TMEM132B: variants seen among roughly 807,000 people sequenced by gnomAD.
The protein encoded by TMEM132B is transmembrane protein 132B.
Under a neutral mutation model 90.8 loss-of-function variants are expected in TMEM132B, and 18 were observed. The observed-to-expected ratio is 0.20, with a 90% CI of 0.14 to 0.29. TMEM132B has a LOEUF of 0.29. Among genes scored for constraint, TMEM132B ranks in the 10% least tolerant of loss-of-function variants. The pLI is 1.00. For synonymous variants in TMEM132B, 504 were observed against 523.3 expected, an observed-to-expected ratio of 0.96 and a Z score of 0.50; for missense variants, 1,096 against 1,326.8, an observed-to-expected ratio of 0.83 and a Z score of 2.70.
At chr12:125,605,741 T>G (rs1306011598) in intron 5 of TMEM132B, among the ~76,000 whole-genome samples, 1 of 152,196 alleles carries the variant, frequency 6.6e-6, no homozygotes, top group Non-Finnish European at 1.5e-5. Flanking sequence ...GGTTCTGATC[T>G]CCACATTACA....
chr12:125,384,733 C>A (rs1481845327), intron 2 of TMEM132B, among the ~76,000 whole-genome samples: 1 of 152,160 alleles, frequency 6.6e-6, no homozygotes, highest in African/African-American at 2.4e-5. Flanking sequence ...TCACTGCAAC[C>A]TCTGCCTCCG....
At chr12:125,245,322 C>T (rs1874181719) in intron 1 of TMEM132B, among the ~76,000 whole-genome samples, 1 of 149,594 alleles carries the variant, frequency 6.7e-6, no homozygotes, top group African/African-American at 2.5e-5. Flanking sequence ...TACTCTGGCC[C>T]CCACCATGCC....
intron 4 of TMEM132B, among the ~76,000 whole-genome samples, chr12:125,556,408 G>A (rs1161859227): frequency 6.6e-6 from 1 of 152,190 alleles, no homozygotes; most frequent in Non-Finnish European, 1.5e-5. Context: ...TAGTTCATGG[G>A]AAGAGCTAAG....
At chr12:125,348,413 G>A (rs372635478) in intron 1 of TMEM132B, among the ~76,000 whole-genome samples, 11 of 152,072 alleles carry the variant, frequency 7.2e-5, no homozygotes, top group South Asian at 2.1e-4. Flanking sequence ...TGCAATCTCC[G>A]CCTCTTGGGT....
At chr12:125,420,212 C>T (rs1880131376) in intron 3 of TMEM132B, among the ~76,000 whole-genome samples, 1 of 152,240 alleles carries the variant, frequency 6.6e-6, no homozygotes, top group African/African-American at 2.4e-5. Flanking sequence ...TGTGTGGGGG[C>T]TTCCATCCCA....
chr12:125,540,107 T>C (rs994235630), intron 4 of TMEM132B, among the ~76,000 whole-genome samples: 11 of 152,366 alleles, frequency 7.2e-5, no homozygotes, highest in African/African-American at 2.2e-4. Flanking sequence ...GATTTTCCAA[T>C]GTTTGGGGGC....
chr12:125,488,144 A>T (rs1302388898), intron 3 of TMEM132B, among the ~76,000 whole-genome samples: 5 of 152,250 alleles, frequency 3.3e-5, no homozygotes, highest in Non-Finnish European at 7.3e-5. Context: ...TTTGATAGAC[A>T]GTATCTTCTA....
chr12:125,285,515 C>T (rs1263498370), intron 1 of TMEM132B, among the ~76,000 whole-genome samples: 1 of 152,228 alleles, frequency 6.6e-6, no homozygotes, highest in Non-Finnish European at 1.5e-5. Context: ...CAGCGCTGGA[C>T]TGAGCCAGTG....
rs560662264 is a variant in TMEM132B at position 125,209,310 on chromosome 12, C to T, written c.67+22444C>T. 1.3e-5 allele frequency among the ~76,000 whole-genome samples: 2 copies of T among 152,322 alleles called. No homozygotes were observed. Among genetic ancestry groups the T allele is most frequent in the Non-Finnish European group, 2.9e-5 (2 of 68,028 alleles). On this transcript the variant is annotated intron_variant, in intron 1 of 8. Transcript: ENST00000682704. This position sits in a 1 kb window ranked among gnomAD's most constrained non-coding sequence, Gnocchi z 4.4. ...CACATCTCTAAGTGGGGCAGAGGCTCGCGGATGGACCGCCCCAGGGGATGG... is the reference window on the plus strand; with the variant it reads ...CACATCTCTAAGTGGGGCAGAGGCTTGCGGATGGACCGCCCCAGGGGATGG...
chr12:125,376,782 C>T (rs1487249029), intron 2 of TMEM132B, among the ~76,000 whole-genome samples: 2 of 152,184 alleles, frequency 1.3e-5, no homozygotes, highest in African/African-American at 4.8e-5. Flanking sequence ...AGGCAGGGAC[C>T]CTAGGATTCC....
intron 5 of TMEM132B, among the ~76,000 whole-genome samples, chr12:125,597,946 A>G (rs1885480954): frequency 6.6e-6 from 1 of 152,196 alleles, no homozygotes; most frequent in African/African-American, 2.4e-5. Context: ...CATAAATGTG[A>G]TCTTTAGAGT....
chr12:125,627,614 A>T lies in TMEM132B; in HGVS notation c.1438-16462A>T, dbSNP rs183374290. On this transcript the variant is annotated intron_variant, in intron 5 of 8. Transcript: ENST00000682704. Reference sequence around the variant, plus strand: ...CAGGCATGTGATGTGTAATAATCACATCATGGAGAATGGGATGCCCATCCC... The same window carrying T: ...CAGGCATGTGATGTGTAATAATCACTTCATGGAGAATGGGATGCCCATCCC... Among the ~76,000 whole-genome samples the T allele has an allele frequency of 7.2e-5, 11 of 152,268 alleles. No homozygotes were observed. The East Asian group carries it at 2.1e-3, about 29-fold the overall frequency.
intron 3 of TMEM132B, among the ~76,000 whole-genome samples, chr12:125,443,320 C>G (rs775387239): frequency 1.3e-5 from 2 of 152,190 alleles, no homozygotes; most frequent in Non-Finnish European, 2.9e-5. Flanking sequence ...TTGTAATTTT[C>G]AGGTCCTTAA....
intron 3 of TMEM132B, among the ~76,000 whole-genome samples, chr12:125,480,860 A>G (rs1882019062): frequency 6.6e-6 from 1 of 152,392 alleles, no homozygotes; most frequent in South Asian, 2.1e-4. Context: ...AATATCCTCA[A>G]TAAAATACTG....
chr12:125,280,608 G>T (rs1875134236), intron 1 of TMEM132B, among the ~76,000 whole-genome samples: 1 of 152,216 alleles, frequency 6.6e-6, no homozygotes, highest in African/African-American at 2.4e-5. Flanking sequence ...CTTGCTGTGG[G>T]ATGTCAGGGC....
chr12:125,336,814 A>G (rs923414314), intron 1 of TMEM132B, among the ~76,000 whole-genome samples: 18 of 152,310 alleles, frequency 1.2e-4, no homozygotes, highest in African/African-American at 3.8e-4. Flanking sequence ...GCTCCAGCCC[A>G]GGTGTCTGTC....
intron 3 of TMEM132B, among the ~76,000 whole-genome samples, chr12:125,425,383 C>T (rs77100196): frequency 0.034 from 5,173 of 152,204 alleles, 120 homozygotes; most frequent in Middle Eastern, 0.058. Context: ...ATCCTTTACC[C>T]CTCCAGTTCC....
In TMEM132B at chr12:125,341,875, G is replaced by A. The variant is rs370318888; in HGVS notation, c.68-7577G>A. Among the ~76,000 whole-genome samples, 6 of 152,248 alleles carry A rather than the reference G, an allele frequency of 3.9e-5. No individual in the cohort carries two copies. The South Asian group carries it at 6.2e-4, about 16-fold the overall frequency. On this transcript the variant is annotated intron_variant, in intron 1 of 8. Transcript: ENST00000682704. ...TTGTGTAAAAGGAGCTTACTTTTGT[G>A]GGGAGATAAATTAGGGGTCCACTTC...
intron 5 of TMEM132B, among the ~76,000 whole-genome samples, chr12:125,612,261 G>A (rs1303245729): frequency 3.9e-5 from 6 of 151,998 alleles, no homozygotes; most frequent in Admixed American, 6.6e-5. Context: ...GGATTGCAAG[G>A]TCAGGAGTTT....
Sources: gnomAD v4.1 joint callset for allele counts (sites outside exome capture counted in the v4.1 genomes callset) on GRCh38, gnomAD v4.1.1 for gene constraint, Gnocchi (gnomAD v3.1) non-coding constraint, MANE v1.5 for transcripts, NCBI Gene and HGNC (gene_info 2026-07-23, HGNC 2026-07-21) for gene names.